Variants in NYAP2 observed in about 807,000 individuals in gnomAD.
The protein encoded by NYAP2 is neuronal tyrosine-phosphorylated phosphoinositide-3-kinase adaptor 2.
NYAP2 carries 23 observed loss-of-function variants against 50.4 expected under a neutral mutation model. That is an observed-to-expected ratio of 0.46 (90% CI 0.33 to 0.65). The LOEUF is 0.65. Among genes scored for constraint, NYAP2 ranks in the 30% least tolerant of loss-of-function variants. NYAP2 has a pLI of 0.02. For synonymous variants in NYAP2, 394 were observed against 365.2 expected (o/e 1.08, Z -0.90); for missense variants, 885 against 861.0 (o/e 1.03, Z -0.35).
At chr2:225,528,010 G>A (rs58860142) in intron 4 of NYAP2, among the ~76,000 whole-genome samples, 5,328 of 152,084 alleles carry the variant, frequency 0.035, 317 homozygotes, top group African/African-American at 0.12. Context: ...CTGGAAAATC[G>A]CTTCACCTTC....
At chr2:225,558,721 G>A (rs899717172) in intron 4 of NYAP2, among the ~76,000 whole-genome samples, 5 of 146,080 alleles carry the variant, frequency 3.4e-5, no homozygotes, top group East Asian at 1.9e-4. Flanking sequence ...GGACATTTTC[G>A]GGGGGTGCCA....
chr2:225,448,565 G>A (rs1366383205), intron 3 of NYAP2, among the ~76,000 whole-genome samples: 7 of 152,160 alleles, frequency 4.6e-5, no homozygotes, highest in Non-Finnish European at 7.3e-5. Context: ...GATTCTACAT[G>A]ATTGGTTTCT....
intron 3 of NYAP2, among the ~76,000 whole-genome samples, chr2:225,432,209 G>T (rs537859893): frequency 1.3e-4 from 19 of 148,368 alleles, no homozygotes; most frequent in Non-Finnish European, 2.4e-4. Context: ...TGTTAGCCAG[G>T]ATGGTCTTGA....
chr2:225,541,425 T>G (rs940279426), intron 4 of NYAP2, among the ~76,000 whole-genome samples: 10 of 152,184 alleles, frequency 6.6e-5, no homozygotes, highest in Admixed American at 5.2e-4. Context: ...TGATTTGAGG[T>G]CTTAGATTTA....
chr2:225,460,380 T>C (rs1389468564), intron 3 of NYAP2, among the ~76,000 whole-genome samples: 1 of 152,240 alleles, frequency 6.6e-6, no homozygotes, highest in East Asian at 1.9e-4. Flanking sequence ...GTCTTATTTT[T>C]CTATTTGTCA....
At chr2:225,650,691 T>C (rs1409541204) in intron 6 of NYAP2, among the ~76,000 whole-genome samples, 3 of 152,224 alleles carry the variant, frequency 2.0e-5, no homozygotes, top group Non-Finnish European at 4.4e-5. Context: ...CATTTTTCTT[T>C]CTATGACTTG....
chr2:225,537,533 T>G (rs1237302503), intron 4 of NYAP2, among the ~76,000 whole-genome samples: 1 of 152,134 alleles, frequency 6.6e-6, no homozygotes, highest in African/African-American at 2.4e-5. Flanking sequence ...CCATCAGATC[T>G]CATGAGACTT....
intron 2 of NYAP2, among the ~76,000 whole-genome samples, chr2:225,407,072 T>A (rs1032786427): frequency 1.3e-5 from 2 of 152,038 alleles, no homozygotes; most frequent in Non-Finnish European, 2.9e-5. Context: ...CTTGCTTAAC[T>A]TGGGTAGAAT....
the NYAP2 span, among the ~76,000 whole-genome samples, chr2:225,685,672 T>A: frequency 2.0e-5 from 3 of 152,138 alleles, no homozygotes; most frequent in Non-Finnish European, 4.4e-5. Flanking sequence ...CAAGGCCAAA[T>A]ACTTTATAAT....
chr2:225,519,111 T>G (rs1690996690), intron 4 of NYAP2, among the ~76,000 whole-genome samples: 1 of 152,010 alleles, frequency 6.6e-6, no homozygotes, highest in African/African-American at 2.4e-5. Context: ...GTAATAATCT[T>G]TTAACAATAT....
At chr2:225,484,271 G>A (rs1690253351) in intron 3 of NYAP2, among the ~76,000 whole-genome samples, 1 of 152,168 alleles carries the variant, frequency 6.6e-6, no homozygotes, top group South Asian at 2.1e-4. Flanking sequence ...AAGAAGGATG[G>A]TGTTCCAACA....
intron 6 of NYAP2, among the ~76,000 whole-genome samples, chr2:225,638,156 T>TTGTGTGTG (rs146481098): frequency 0.1 from 13,535 of 135,158 alleles, 959 homozygotes; most frequent in South Asian, 0.17. Context: ...ACTCGTGTGT[T>TTGTGTGTG]TGTGTGTGTG....
intron 3 of NYAP2, among the ~76,000 whole-genome samples, chr2:225,487,390 T>C (rs892809007): frequency 1.3e-5 from 2 of 152,022 alleles, no homozygotes; most frequent in Admixed American, 1.3e-4. Flanking sequence ...GTCAGAGTCT[T>C]GCTCTGTCAC....
At chr2:225,672,726 C>T in the NYAP2 span, among the ~76,000 whole-genome samples, 1 of 151,952 alleles carries the variant, frequency 6.6e-6, no homozygotes, top group South Asian at 2.1e-4. Context: ...TTCACTTGAG[C>T]ACTTAGAGGC....
At chr2:225,484,631 C>G (rs572029476) in intron 3 of NYAP2, among the ~76,000 whole-genome samples, 8 of 152,206 alleles carry the variant, frequency 5.3e-5, no homozygotes, top group Non-Finnish European at 1.0e-4. Flanking sequence ...ATCTTTTACT[C>G]TTTCTACTCT....
In NYAP2 at chr2:225,549,729, C is replaced by T. The variant is rs529293124; in HGVS notation, c.524-32212C>T. On this transcript the variant is annotated intron_variant, in intron 4 of 6. Coordinates refer to ENST00000636099, the Ensembl canonical transcript of NYAP2. ...GTGGGCGGTGGCTCATGCCTGTAATCTCAGCACTTTGGGAGGCTGACGTGG... is the reference window on the plus strand; with the variant it reads ...GTGGGCGGTGGCTCATGCCTGTAATTTCAGCACTTTGGGAGGCTGACGTGG... 1.8e-4 allele frequency among the ~76,000 whole-genome samples: 27 copies of T among 152,192 alleles called. No individual in the cohort carries two copies. In the South Asian group the frequency reaches 5.2e-3, roughly 29 times the overall value.
chr2:225,609,384 C>T (rs1692842047), intron 5 of NYAP2, among the ~76,000 whole-genome samples: 1 of 152,092 alleles, frequency 6.6e-6, no homozygotes, highest in African/African-American at 2.4e-5. Context: ...CTCTCTTGTT[C>T]ACCATCCCTG....
At chr2:225,476,201 C>A (rs933929209) in intron 3 of NYAP2, among the ~76,000 whole-genome samples, 3 of 152,160 alleles carry the variant, frequency 2.0e-5, no homozygotes, top group Admixed American at 2.0e-4. Flanking sequence ...ATCACGAGGT[C>A]AGGAGATGGA....
intron 4 of NYAP2, among the ~76,000 whole-genome samples, chr2:225,518,782 GC>G (rs1690989349): frequency 6.6e-6 from 1 of 151,564 alleles, no homozygotes; most frequent in Non-Finnish European, 1.5e-5. Flanking sequence ...ACTTTAGGAG[GC>G]CTAGACAGGT....
Sources: gnomAD v4.1 joint callset for allele counts (sites outside exome capture counted in the v4.1 genomes callset) on GRCh38, gnomAD v4.1.1 for gene constraint, MANE v1.5 for transcripts, NCBI Gene and HGNC (gene_info 2026-07-23, HGNC 2026-07-21) for gene names.